Variants in ANO4 observed in about 807,000 individuals in gnomAD.
ANO4 encodes the protein anoctamin-4.
A neutral mutation model predicts 141.9 loss-of-function variants in ANO4; 69 were observed. The observed-to-expected ratio is 0.49, with a 90% CI of 0.40 to 0.59. The LOEUF (loss-of-function observed/expected upper bound fraction) is 0.59, where lower values mean the gene tolerates loss of function less well. Ranked by LOEUF, ANO4 falls within the 20% of genes least tolerant of loss-of-function variation. ANO4 has a pLI of 0.00. For missense variants in ANO4, 894 were observed against 1,162.2 expected, an observed-to-expected ratio of 0.77 and a Z score of 3.36; for synonymous variants, 350 against 394.3, an observed-to-expected ratio of 0.89 and a Z score of 1.33.
At chr12:101,123,134 TCTTCAAGA>T (rs1411903044) in intron 26 of ANO4, among the ~76,000 whole-genome samples, 1 of 152,164 alleles carries the variant, frequency 6.6e-6, no homozygotes, top group Non-Finnish European at 1.5e-5. Context: ...TTCCTAGACC[TCTTCAAGA>T]CTATTCTATC....
In ANO4 at chr12:100,876,118, C is replaced by T. The variant is rs561819833; in HGVS notation, c.-140-25528C>T. ...TTAATAAATTACTTAGTAAGTGCTC[C>T]GTATTTTTATTTTTCGCCAGGCCCT... On this transcript the variant is annotated intron_variant, in intron 1 of 27. Transcript: ENST00000392977. Among the ~76,000 whole-genome samples, 12 of 152,064 alleles carry T rather than the reference C, an allele frequency of 7.9e-5. 1 individual carries two copies. Among genetic ancestry groups the T allele is most frequent in the East Asian group, 1.9e-4 (1 of 5,178 alleles).
chr12:100,910,358 A>G (rs1398236250), intron 2 of ANO4, among the ~76,000 whole-genome samples: 4 of 152,164 alleles, frequency 2.6e-5, no homozygotes, highest in Non-Finnish European at 5.9e-5. Context: ...TAGAATACCA[A>G]TAAGATGGTC....
At chr12:101,116,056 A>G in intron 24 of ANO4, among the ~76,000 whole-genome samples, 1 of 152,148 alleles carries the variant, frequency 6.6e-6, no homozygotes, top group East Asian at 1.9e-4. Flanking sequence ...GAAAGGAGTG[A>G]GATGTTGTGA....
intron 3 of ANO4, among the ~76,000 whole-genome samples, chr12:100,783,646 A>G (rs544139310): frequency 6.6e-6 from 1 of 152,202 alleles, no homozygotes; most frequent in Non-Finnish European, 1.5e-5. Flanking sequence ...GGTTTATAAA[A>G]TCTAAGGGTG....
At chr12:101,112,500 T>C (rs1385233387) in intron 24 of ANO4, among the ~76,000 whole-genome samples, 1 of 152,238 alleles carries the variant, frequency 6.6e-6, no homozygotes, top group Non-Finnish European at 1.5e-5. Context: ...TTATGGGATT[T>C]TGATGTCTAT....
At chr12:100,904,778 G>A (rs1565992955) in intron 2 of ANO4, among the ~76,000 whole-genome samples, 1 of 152,120 alleles carries the variant, frequency 6.6e-6, no homozygotes, top group Non-Finnish European at 1.5e-5. Flanking sequence ...TATTTTAACA[G>A]GATGTAATAT....
intron 1 of ANO4, among the ~76,000 whole-genome samples, chr12:100,816,625 A>G (rs1025430282): frequency 6.6e-6 from 1 of 151,982 alleles, no homozygotes; most frequent in Non-Finnish European, 1.5e-5. Flanking sequence ...AATAGTAGAA[A>G]TTAGAGTCAA....
Position 100,921,107 on chromosome 12 carries a change from C to CTCAT in ANO4, c.56-1107_56-1104dup, listed in dbSNP as rs148182192. Among the ~76,000 whole-genome samples the CTCAT allele has an allele frequency of 7.7e-3, 1,166 of 152,186 alleles. 15 individuals are homozygous for CTCAT. Among genetic ancestry groups the CTCAT allele is most frequent in the African/African-American group, 0.027 (1,102 of 41,536 alleles). On this transcript the variant is annotated intron_variant, in intron 2 of 27. Coordinates refer to ENST00000392977, the MANE Select transcript of ANO4 (RefSeq NM_001286615.2). ...TTTGGTTTTATAATTACTGCATAGCCTCATTCATTCATTCAGCCTGAGAAT... is the reference window on the plus strand; with the variant it reads ...TTTGGTTTTATAATTACTGCATAGCCTCATTCATTCATTCATTCAGCCTGAGAAT...
intron 12 of ANO4, among the ~76,000 whole-genome samples, chr12:101,042,747 C>T (rs924820664): frequency 6.6e-6 from 1 of 152,194 alleles, no homozygotes; most frequent in Non-Finnish European, 1.5e-5. Flanking sequence ...GCTATAAGTG[C>T]TCTCTTTTTT....
intron 2 of ANO4, among the ~76,000 whole-genome samples, chr12:100,903,505 G>T (rs75551552): frequency 6.3e-4 from 96 of 152,228 alleles, no homozygotes; most frequent in Admixed American, 2.8e-3. Context: ...GGCCCCTACT[G>T]CTTTCACCCT....
At chr12:100,789,197 T>C (rs2033965339) in intron 3 of ANO4, among the ~76,000 whole-genome samples, 1 of 152,180 alleles carries the variant, frequency 6.6e-6, no homozygotes, top group African/African-American at 2.4e-5. Flanking sequence ...GGCATTGTTA[T>C]TCTCATTTCC....
intron 8 of ANO4, among the ~76,000 whole-genome samples, chr12:101,007,842 C>T (rs1050913598): frequency 5.3e-5 from 8 of 152,148 alleles, no homozygotes; most frequent in African/African-American, 1.9e-4. Flanking sequence ...ATCTCAGCCT[C>T]CCAGGTAGCT....
chr12:100,914,399 C>T (rs1277671756), intron 2 of ANO4, among the ~76,000 whole-genome samples: 1 of 152,206 alleles, frequency 6.6e-6, no homozygotes, highest in Non-Finnish European at 1.5e-5. Flanking sequence ...TAGCTTTAGC[C>T]TTATAGTGAC....
intron 7 of ANO4, among the ~76,000 whole-genome samples, chr12:100,977,942 T>C (rs116047825): frequency 0.014 from 2,135 of 152,344 alleles, 63 homozygotes; most frequent in African/African-American, 0.049. Context: ...TTTATGTGCT[T>C]TTGCGTATAG....
At chr12:101,056,294 A>G (rs1399484700) in intron 14 of ANO4, among the ~76,000 whole-genome samples, 1 of 152,132 alleles carries the variant, frequency 6.6e-6, no homozygotes, top group African/African-American at 2.4e-5. Context: ...TATTATTTTC[A>G]ATGTACAAGG....
intron 1 of ANO4, among the ~76,000 whole-genome samples, chr12:100,822,571 G>A (rs1207092416): frequency 6.6e-6 from 1 of 151,920 alleles, no homozygotes; most frequent in Non-Finnish European, 1.5e-5. Flanking sequence ...AAAGGCAGGA[G>A]GCAAATTTTT....
intron 2 of ANO4, among the ~76,000 whole-genome samples, chr12:100,915,536 C>T (rs2041298682): frequency 6.6e-6 from 1 of 152,124 alleles, no homozygotes; most frequent in Non-Finnish European, 1.5e-5. Context: ...GCTGATTTGT[C>T]AGGCTTTCCT....
chr12:100,881,459 A>G (rs2039566641), intron 1 of ANO4, among the ~76,000 whole-genome samples: 1 of 151,734 alleles, frequency 6.6e-6, no homozygotes, highest in African/African-American at 2.4e-5. Flanking sequence ...TGCTCCAAGC[A>G]TTTGCTTCTC....
At chr12:100,830,783 A>G (rs2036591060) in intron 1 of ANO4, among the ~76,000 whole-genome samples, 1 of 152,096 alleles carries the variant, frequency 6.6e-6, no homozygotes, top group Admixed American at 6.6e-5. Context: ...TAGCATATTT[A>G]TAAGAAATGG....
Sources: allele counts gnomAD v4.1 joint callset (sites outside exome capture counted in the v4.1 genomes callset), GRCh38; gene constraint gnomAD v4.1.1; transcripts MANE v1.5; gene names NCBI Gene and HGNC (gene_info 2026-07-23, HGNC 2026-07-21).